The following GSE1 variants were observed in gnomAD, a reference collection of about 807,000 sequenced individuals.
GSE1 encodes Gse1 coiled-coil protein.
A neutral mutation model predicts 112.6 loss-of-function variants in GSE1; 32 were observed. The observed-to-expected ratio is 0.28, with a 90% CI of 0.21 to 0.38. The LOEUF is 0.38. GSE1 is among the 10% of genes least tolerant of loss of function. GSE1 has a pLI of 1.00. For synonymous variants in GSE1, 1,115 were observed against 735.6 expected, an observed-to-expected ratio of 1.52 and a Z score of -8.35; for missense variants, 2,348 against 1,699.2, an observed-to-expected ratio of 1.38 and a Z score of -6.71.
At position 85,673,836 on chromosome 16, in the gene GSE1, T is replaced by G. The variant is rs1171606564; in HGVS notation, c.*1297T>G. ...CCTTTCAGGAAGTCAATGATTTCTG[T>G]GATTGATATAATTCTAAGGTGTCTG... On this transcript the variant is annotated 3_prime_UTR_variant, in exon 16 of 16. Transcript: ENST00000253458. The G allele has an allele frequency of 1.3e-5, 2 of 151,982 alleles. No individual in the cohort carries two copies. Among genetic ancestry groups the G allele is most frequent in the Non-Finnish European group, 2.9e-5 (2 of 68,018 alleles). 9.4% of individuals were successfully genotyped at this position (151,982 alleles called of 1,614,324 possible).
intron 2 of GSE1, among the ~76,000 whole-genome samples, chr16:85,642,572 C>T (rs990963831): frequency 3.3e-5 from 5 of 152,356 alleles, no homozygotes; most frequent in South Asian, 2.1e-4. Flanking sequence ...ATGGGCTAGG[C>T]ATGGGCTGTG....
chr16:85,265,932 G>T (rs982639709), intron 1 of GSE1, among the ~76,000 whole-genome samples: 1 of 152,164 alleles, frequency 6.6e-6, no homozygotes, highest in African/African-American at 2.4e-5. Flanking sequence ...TTCTGGGTCC[G>T]CTGTGCCTGG....
At chr16:85,289,858 G>T (rs1012158157) in intron 1 of GSE1, among the ~76,000 whole-genome samples, 8 of 152,152 alleles carry the variant, frequency 5.3e-5, no homozygotes, top group African/African-American at 9.7e-5. Context: ...GAAAACCACG[G>T]TTTTACTCAG....
intron 2 of GSE1, among the ~76,000 whole-genome samples, chr16:85,458,879 C>G (rs1019079745): frequency 6.6e-6 from 1 of 152,252 alleles, no homozygotes; most frequent in Non-Finnish European, 1.5e-5. Context: ...CATCTAAGGC[C>G]AGAGGGGAGC....
intron 1 of GSE1, among the ~76,000 whole-genome samples, chr16:85,246,235 A>ACG (rs1481556789): frequency 3.1e-5 from 4 of 128,840 alleles, no homozygotes; most frequent in Non-Finnish European, 6.7e-5. Flanking sequence ...ACACACACAC[A>ACG]CACGCACACC....
chr16:85,388,979 A>C (rs1210282810), intron 2 of GSE1, among the ~76,000 whole-genome samples: 1 of 152,070 alleles, frequency 6.6e-6, no homozygotes, highest in African/African-American at 2.4e-5. Context: ...ATCATGAAGG[A>C]AAAAAAAGAG....
intron 2 of GSE1, among the ~76,000 whole-genome samples, chr16:85,642,529 A>C (rs902741226): frequency 1.3e-5 from 2 of 152,110 alleles, no homozygotes; most frequent in African/African-American, 4.8e-5. Context: ...CCATCTGTTC[A>C]AGCTGCCCCT....
rs977341125 is a variant in GSE1, at chr16:85,419,349, G to A, written c.2464+61706G>A. Reference sequence around the variant, plus strand: ...ACCAGATGGCCGGGCGTGGTGGCTCGTGCCTATAATCCCAGCACTTTGGGA... The same window carrying A: ...ACCAGATGGCCGGGCGTGGTGGCTCATGCCTATAATCCCAGCACTTTGGGA... On this transcript the variant is annotated intron_variant, in intron 2 of 2. Transcript: ENST00000637419. The surrounding 1 kb of genome is among the most constrained non-coding windows in gnomAD (Gnocchi z 6.5). 2.0e-5 allele frequency among the ~76,000 whole-genome samples: 3 copies of A among 151,958 alleles called. No individual in the cohort carries two copies. The highest frequency in any genetic ancestry group is 1.3e-4 in the Admixed American group (2 of 15,246).
chr16:85,239,347 T>C (rs1019566046), intron 1 of GSE1, among the ~76,000 whole-genome samples: 2 of 152,124 alleles, frequency 1.3e-5, no homozygotes, highest in African/African-American at 2.4e-5. Context: ...GACAAGCAGG[T>C]ATTGAGCACC....
At chr16:85,178,104 C>G (rs181112793) in intron 1 of GSE1, among the ~76,000 whole-genome samples, 1 of 152,168 alleles carries the variant, frequency 6.6e-6, no homozygotes, top group Non-Finnish European at 1.5e-5. Flanking sequence ...GTGAAGAGGT[C>G]CAGCCGTGGT....
chr16:85,609,576 C>T (rs562706506), upstream of GSE1, among the ~76,000 whole-genome samples: 1 of 152,326 alleles, frequency 6.6e-6, no homozygotes, highest in South Asian at 2.1e-4. Flanking sequence ...GGACTCCCGT[C>T]TCCAGACACC....
intron 1 of GSE1, among the ~76,000 whole-genome samples, chr16:85,298,786 A>G (rs140159554): frequency 2.1e-3 from 313 of 152,372 alleles, no homozygotes; most frequent in African/African-American, 7.3e-3. Flanking sequence ...AATCTGGGCC[A>G]GGACCGCATT....
chr16:85,203,644 C>G (rs1010523646), intron 1 of GSE1, among the ~76,000 whole-genome samples: 4 of 152,242 alleles, frequency 2.6e-5, no homozygotes, highest in African/African-American at 9.6e-5. Flanking sequence ...CTTTGTGCAG[C>G]TGCTTTATTG....
intron 1 of GSE1, among the ~76,000 whole-genome samples, chr16:85,195,963 T>G (rs2074918544): frequency 6.6e-6 from 1 of 152,176 alleles, no homozygotes. Context: ...CTCAGACAGA[T>G]GCTTTAGTAC....
intron 1 of GSE1, among the ~76,000 whole-genome samples, chr16:85,202,385 G>A (rs939708341): frequency 2.0e-5 from 3 of 152,260 alleles, no homozygotes; most frequent in Non-Finnish European, 2.9e-5. Context: ...ATTGCTGGGA[G>A]TATTGGAACA....
chr16:85,478,849 T>C (rs1377461388), intron 2 of GSE1, among the ~76,000 whole-genome samples: 4 of 8,740 alleles, frequency 4.6e-4, no homozygotes, highest in African/African-American at 2.1e-3. Context: ...TTTTCTTTCT[T>C]TCTTTCTTTC....
chr16:85,365,639 G>A (rs2047170205), intron 2 of GSE1, among the ~76,000 whole-genome samples: 2 of 152,232 alleles, frequency 1.3e-5, no homozygotes, highest in South Asian at 4.1e-4. Context: ...TTGCCTGGAA[G>A]GTGAAGCTTG....
chr16:85,388,790 C>T (rs1343612326), intron 2 of GSE1, among the ~76,000 whole-genome samples: 1 of 152,086 alleles, frequency 6.6e-6, no homozygotes, highest in East Asian at 1.9e-4. Flanking sequence ...TTCTTTCCTT[C>T]CCTTGACTCA....
intron 2 of GSE1, among the ~76,000 whole-genome samples, chr16:85,478,895 CTTTCTTTCTTTCTTTCTTTCTT>C (rs2050563845): frequency 7.9e-5 from 6 of 76,338 alleles, no homozygotes; most frequent in African/African-American, 4.6e-4. Flanking sequence ...TTCTTTCTTT[CTTTCTTTCTTTCTTTCTTTCTT>C]TCTTTCTTTC....
Sources: allele counts gnomAD v4.1 joint callset (sites outside exome capture counted in the v4.1 genomes callset), GRCh38; gene constraint gnomAD v4.1.1; non-coding constraint Gnocchi (gnomAD v3.1); transcripts MANE v1.5; gene names NCBI Gene and HGNC (gene_info 2026-07-23, HGNC 2026-07-21).